Variants in USO1 observed in about 807,000 individuals in gnomAD.
The protein encoded by USO1 is USO1 vesicle transport factor.
A neutral mutation model predicts 124.5 loss-of-function variants in USO1; 57 were observed. That is an observed-to-expected ratio of 0.46 (90% CI 0.37 to 0.57). The LOEUF (loss-of-function observed/expected upper bound fraction) is 0.57. Ranked by LOEUF, USO1 falls within the 20% of genes least tolerant of loss-of-function variation. The pLI is 0.00. For synonymous variants in USO1, 369 were observed against 362.8 expected, an observed-to-expected ratio of 1.02 and a Z score of -0.19; for missense variants, 900 against 1,040.6, an observed-to-expected ratio of 0.86 and a Z score of 1.86.
At position 75,754,739 on chromosome 4, in the gene USO1, A is replaced by G. The variant is rs190726447; in HGVS notation, c.218+2135A>G. On this transcript the variant is annotated intron_variant, in intron 3 of 23. Transcript: ENST00000514213. ...ACAGGCCAAAAAACAGCTAGAGTCC[A>G]TTATTTTCTTTCCGTTTCCTTTTTT... is the stretch of plus-strand genomic sequence containing the variant. Among the ~76,000 whole-genome samples the G allele has an allele frequency of 1.3e-3, 202 of 152,274 alleles. 1 individual carries two copies. The highest frequency in any genetic ancestry group is 4.7e-3 in the African/African-American group (196 of 41,548).
chr4:75,758,423 A>G (rs1169879719), intron 4 of USO1, among the ~76,000 whole-genome samples: 1 of 152,212 alleles, frequency 6.6e-6, no homozygotes, highest in Non-Finnish European at 1.5e-5. Context: ...GACAAATAAT[A>G]AAGAAGTATA....
At chr4:75,778,036 A>G (rs1420355583) in intron 8 of USO1, among the ~76,000 whole-genome samples, 2 of 152,352 alleles carry the variant, frequency 1.3e-5, no homozygotes, top group South Asian at 4.1e-4. Flanking sequence ...ATGAAAGGAC[A>G]TAAAGGAACC....
rs893573345 is a variant in USO1 at position 75,814,275 on chromosome 4, G to A, written c.*980G>A. 1 of 152,128 alleles carries A rather than the reference G, an allele frequency of 6.6e-6. No homozygotes were observed. Among genetic ancestry groups the A allele is most frequent in the Admixed American group, 6.5e-5 (1 of 15,280 alleles). The allele number at this position is 152,128 out of a possible 1,614,324, so 9.4% of individuals were successfully genotyped here. A position where few individuals can be genotyped will look rare whatever the true frequency, so the allele number is the denominator to read the frequency against. ...GTATTTTATTCTTAATAAAAGATGAGGCAAGTGAAAATGATGAGGCGACTT... is the reference window on the plus strand; with the variant it reads ...GTATTTTATTCTTAATAAAAGATGAAGCAAGTGAAAATGATGAGGCGACTT... On this transcript the variant is annotated 3_prime_UTR_variant, in exon 24 of 24. Coordinates refer to ENST00000514213, the MANE Select transcript of USO1 (RefSeq NM_003715.4).
intron 3 of USO1, among the ~76,000 whole-genome samples, 191 bp from the exon 4 acceptor site, chr4:75,757,306 G>A (rs928603390): frequency 1.3e-5 from 2 of 151,820 alleles, no homozygotes; most frequent in African/African-American, 4.8e-5. Context: ...TTATTATTGA[G>A]CATTTAGGTT....
intron 17 of USO1, among the ~76,000 whole-genome samples, chr4:75,803,649 CAAAA>C (rs540083885): frequency 1.2e-5 from 1 of 82,400 alleles, no homozygotes; most frequent in Non-Finnish European, 2.5e-5. Context: ...AACTCCGTCT[CAAAA>C]AAAAAAAAAA....
chr4:75,740,672 T>A (rs1355345348), intron 1 of USO1, among the ~76,000 whole-genome samples: 1 of 152,208 alleles, frequency 6.6e-6, no homozygotes, highest in Non-Finnish European at 1.5e-5. Flanking sequence ...CAAACAGTTA[T>A]ATTCATAAAC....
chr4:75,771,300 A>G (rs528797646), intron 7 of USO1, among the ~76,000 whole-genome samples, 163 bp downstream of exon 7: 12 of 152,230 alleles, frequency 7.9e-5, no homozygotes, highest in East Asian at 5.8e-4. Flanking sequence ...GGGTCTCTCT[A>G]TGTTGCCCAG....
At chr4:75,728,948 G>A (rs984150622) in intron 1 of USO1, among the ~76,000 whole-genome samples, 1 of 151,932 alleles carries the variant, frequency 6.6e-6, no homozygotes, top group African/African-American at 2.4e-5. Flanking sequence ...ACAGGTGTCT[G>A]CCACCACACC....
Position 75,813,370 on chromosome 4 carries a change from T to C in USO1, c.*75T>C, listed in dbSNP as rs2149198801. 1 of 1,408,964 alleles carries C rather than the reference T, an allele frequency of 7.1e-7. No homozygotes were observed. The highest frequency in any genetic ancestry group is 2.6e-5 in the East Asian group (1 of 38,740). 87.3% of individuals were successfully genotyped at this position (1,408,964 alleles called of 1,614,324 possible). Reference sequence around the variant, plus strand: ...GACTCTAAACTTTGGTTTACCTCCATGGAAAATAAAGATTTAGAAACCAGG... The same window carrying C: ...GACTCTAAACTTTGGTTTACCTCCACGGAAAATAAAGATTTAGAAACCAGG... On this transcript the variant is annotated 3_prime_UTR_variant, in exon 24 of 24. Transcript: ENST00000514213.
intron 1 of USO1, among the ~76,000 whole-genome samples, chr4:75,744,680 A>G (rs1331185925): frequency 2.0e-5 from 3 of 152,244 alleles, no homozygotes; most frequent in African/African-American, 7.2e-5. Flanking sequence ...TTGGCCTCCC[A>G]AAGTGCTGGG....
At chr4:75,755,897 A>G (rs1410134707) in intron 3 of USO1, among the ~76,000 whole-genome samples, 1 of 152,148 alleles carries the variant, frequency 6.6e-6, no homozygotes, top group Non-Finnish European at 1.5e-5. Context: ...AAGGCTGGGC[A>G]CGGTGGCTCA....
At chr4:75,806,643 T>C (rs1279475707) in intron 20 of USO1, 71 bp downstream of exon 20, 1 of 1,501,968 alleles carries the variant, frequency 6.7e-7, no homozygotes, top group Non-Finnish European at 8.9e-7. Context: ...CCCTATAGTT[T>C]CACAAATCTA....
chr4:75,805,452 A>G, intron 19 of USO1, 149 bp downstream of exon 19: 17 of 1,195,776 alleles, frequency 1.4e-5, no homozygotes, highest in Non-Finnish European at 1.9e-5. Flanking sequence ...TACGCCTGTA[A>G]TCCTAGCACT....
chr4:75,735,412 G>T, intron 1 of USO1, among the ~76,000 whole-genome samples: 1 of 152,128 alleles, frequency 6.6e-6, no homozygotes, highest in Non-Finnish European at 1.5e-5. Flanking sequence ...TTCCTATTCG[G>T]ATGTCAATTC....
At chr4:75,782,644 G>T (rs916613481) in intron 8 of USO1, 36 bp from the exon 9 acceptor site, 3 of 1,509,370 alleles carry the variant, frequency 2.0e-6, no homozygotes, top group Admixed American at 2.7e-5. Flanking sequence ...CAGGTTTTAC[G>T]AGCCTTAACG....
chr4:75,784,807 T>C (rs564367417), intron 9 of USO1, among the ~76,000 whole-genome samples: 1 of 151,718 alleles, frequency 6.6e-6, no homozygotes, highest in East Asian at 1.9e-4. Context: ...AAAAAAAAAT[T>C]ACCAAAAAAT....
chr4:75,764,586 T>G (rs1216695017), intron 4 of USO1, among the ~76,000 whole-genome samples: 1 of 152,202 alleles, frequency 6.6e-6, no homozygotes, highest in Non-Finnish European at 1.5e-5. Context: ...AAAATACATT[T>G]TAGGGGAAGA....
chr4:75,813,986 A>T lies in USO1; in HGVS notation c.*691A>T, dbSNP rs1018911735. On this transcript the variant is annotated 3_prime_UTR_variant, in exon 24 of 24. Coordinates refer to ENST00000514213, the MANE Select transcript of USO1 (RefSeq NM_003715.4). ...GTTTTCTTTTTGTTTTAAGCTAAAC[A>T]TCTAAAACAAATTTCAAGTTAACAG... is the stretch of plus-strand genomic sequence containing the variant. The T allele has an allele frequency of 6.6e-6, 1 of 152,242 alleles. No individual in the cohort carries two copies. The highest frequency in any genetic ancestry group is 2.4e-5 in the African/African-American group (1 of 41,472). The allele number at this position is 152,242 out of a possible 1,614,324, so 9.4% of individuals were successfully genotyped here. A position where few individuals can be genotyped will look rare whatever the true frequency, so the allele number is the denominator to read the frequency against.
At chr4:75,779,474 G>A (rs971608914) in intron 8 of USO1, among the ~76,000 whole-genome samples, 2 of 152,208 alleles carry the variant, frequency 1.3e-5, no homozygotes, top group Non-Finnish European at 2.9e-5. Context: ...TTCTACAGCA[G>A]TGAACACATG....
Sources: gnomAD v4.1 joint callset for allele counts (sites outside exome capture counted in the v4.1 genomes callset) on GRCh38, gnomAD v4.1.1 for gene constraint, MANE v1.5 for transcripts, NCBI Gene and HGNC (gene_info 2026-07-23, HGNC 2026-07-21) for gene names.